TNFRSF10A: variants seen among roughly 807,000 people sequenced by gnomAD.
TNFRSF10A encodes the protein TNF receptor superfamily member 10a.
A neutral mutation model predicts 42.8 loss-of-function variants in TNFRSF10A; 44 were observed. The ratio of observed to expected loss-of-function variants is 1.03; its 90% confidence interval spans 0.81 to 1.32. The LOEUF is 1.32. Ranked by LOEUF, TNFRSF10A falls within the 40% of genes most tolerant of loss-of-function variation. TNFRSF10A has a pLI of 0.00. For synonymous variants in TNFRSF10A, 259 were observed against 234.2 expected, an observed-to-expected ratio of 1.11 and a Z score of -0.97; for missense variants, 680 against 602.0, an observed-to-expected ratio of 1.13 and a Z score of -1.36.
At chr8:23,196,335 A>C (rs1394883157) in intron 9 of TNFRSF10A, among the ~76,000 whole-genome samples, 1 of 151,896 alleles carries the variant, frequency 6.6e-6, no homozygotes, top group Non-Finnish European at 1.5e-5. Context: ...CTGGGACTAC[A>C]GGCGCCCGCC....
At chr8:23,199,482 C>A (rs1274344003) in intron 7 of TNFRSF10A, 34 bp from the exon 8 acceptor site, 1 of 1,598,398 alleles carries the variant, frequency 6.3e-7, no homozygotes, top group South Asian at 1.1e-5. Flanking sequence ...CAGAAGCCCA[C>A]ACCCAGGGCT....
chr8:23,202,830 G>A (rs1800953590), intron 2 of TNFRSF10A, 69 bp from the exon 3 acceptor site: 1 of 1,112,020 alleles, frequency 9.0e-7, no homozygotes, highest in Non-Finnish European at 1.4e-6. Context: ...GCGGTGGCTA[G>A]GAAACTCTTC....
chr8:23,212,325 T>G, intron 1 of TNFRSF10A, 113 bp from the exon 2 acceptor site: 1 of 865,910 alleles, frequency 1.2e-6, no homozygotes. Flanking sequence ...ACTTGCATCT[T>G]TCTCCCAGTT....
At chr8:23,209,567 T>C (rs1282807826) in intron 2 of TNFRSF10A, among the ~76,000 whole-genome samples, 1 of 152,230 alleles carries the variant, frequency 6.6e-6, no homozygotes, top group Non-Finnish European at 1.5e-5. Context: ...GACCTGGATG[T>C]AAGACAAGGA....
intron 1 of TNFRSF10A, chr8:23,224,403 G>C (rs992747419): frequency 2.4e-5 from 6 of 250,182 alleles, no homozygotes; most frequent in African/African-American, 1.4e-4. Context: ...CAGCTGGTGT[G>C]GCTGGGAGTT....
At chr8:23,218,092 T>C (rs1437958214) in intron 1 of TNFRSF10A, among the ~76,000 whole-genome samples, 1 of 151,960 alleles carries the variant, frequency 6.6e-6, no homozygotes, top group Non-Finnish European at 1.5e-5. Context: ...GAAGGTGAGG[T>C]CAGAGAAGTG....
intron 1 of TNFRSF10A, among the ~76,000 whole-genome samples, chr8:23,214,129 C>T (rs560599649): frequency 6.6e-6 from 1 of 152,182 alleles, no homozygotes; most frequent in Non-Finnish European, 1.5e-5. Flanking sequence ...CTACAGAGCT[C>T]AGCCTCCCAA....
chr8:23,214,114 G>T (rs1012829922), intron 1 of TNFRSF10A, among the ~76,000 whole-genome samples: 3 of 152,170 alleles, frequency 2.0e-5, no homozygotes, highest in Admixed American at 1.3e-4. Context: ...GATTATAGGC[G>T]TGAGCTACAG....
intron 3 of TNFRSF10A, 90 bp downstream of exon 3, chr8:23,202,558 G>A (rs976367460): frequency 5.1e-6 from 5 of 982,118 alleles, no homozygotes; most frequent in Non-Finnish European, 6.5e-6. Context: ...AAGTTGGGCT[G>A]GAACTTGGTT....
At chr8:23,200,445 G>C in intron 6 of TNFRSF10A, 60 bp downstream of exon 6, 1 of 1,583,372 alleles carries the variant, frequency 6.3e-7, no homozygotes, top group Non-Finnish European at 8.7e-7. Flanking sequence ...TTCTGTCTGT[G>C]GGAACAGAAG....
intron 1 of TNFRSF10A, among the ~76,000 whole-genome samples, chr8:23,222,303 CT>C (rs1156377070): frequency 2.0e-5 from 3 of 152,180 alleles, no homozygotes. Context: ...TTCTAAAGGG[CT>C]GCCCGATACT....
At chr8:23,224,000 C>T (rs536950211) in intron 1 of TNFRSF10A, among the ~76,000 whole-genome samples, 3 of 152,120 alleles carry the variant, frequency 2.0e-5, no homozygotes, top group Non-Finnish European at 2.9e-5. Context: ...TTTTTCCTGC[C>T]GGGCTGCGTG....
At chr8:23,220,948 C>T (rs1434454589) in intron 1 of TNFRSF10A, among the ~76,000 whole-genome samples, 1 of 152,218 alleles carries the variant, frequency 6.6e-6, no homozygotes, top group African/African-American at 2.4e-5. Flanking sequence ...ACCAGAAGGA[C>T]AACTGGAAGG....
rs777387434 is a variant in TNFRSF10A at position 23,224,786 on chromosome 8, G to T, written c.276C>A (p.Phe92Leu). The change falls in exon 1 of 10, where the codon TTC (phenylalanine) becomes TTA (leucine). Residue 92 changes from phenylalanine to leucine, a missense_variant. Coordinates refer to ENST00000221132, the MANE Select transcript of TNFRSF10A (RefSeq NM_003844.4). ...GCAGGACCCCGACGACGACAAACTT[G>T]AAGGTCTTGTGGACCCGGAGCCGAG... Reference protein sequence around the residue: ...ASPRLRVHKTFKFVVVGVLLQ... With the variant: ...ASPRLRVHKTLKFVVVGVLLQ... The T allele has an allele frequency of 1.3e-6, 2 of 1,569,920 alleles. No individual in the cohort carries two copies. Among genetic ancestry groups the T allele is most frequent in the Non-Finnish European group, 1.7e-6 (2 of 1,157,666 alleles).
intron 9 of TNFRSF10A, among the ~76,000 whole-genome samples, chr8:23,194,298 T>C (rs1158630253): frequency 1.3e-5 from 2 of 152,096 alleles, no homozygotes; most frequent in Admixed American, 1.3e-4. Flanking sequence ...TACTCATAAA[T>C]AAAGTAAATA....
intron 8 of TNFRSF10A, 43 bp downstream of exon 8, chr8:23,199,223 C>T (rs199858506): frequency 6.3e-7 from 1 of 1,586,238 alleles, no homozygotes; most frequent in Non-Finnish European, 8.6e-7. Flanking sequence ...ATGGCCTTCA[C>T]CCCCTGCCTA....
At position 23,191,011 on chromosome 8, in the gene TNFRSF10A, T is replaced by G. The variant is rs1331371495; in HGVS notation, c.*683A>C. On this transcript the variant is annotated 3_prime_UTR_variant, in exon 10 of 10. Transcript: ENST00000221132. ...GGATTTGCTTTTCCTTTTTTTTTTG[T>G]TTTCTTCTATCTTGCTCCCCAGTCT... is the stretch of plus-strand genomic sequence containing the variant. 6.6e-6 allele frequency: 1 copy of G among 151,962 alleles called. No homozygotes were observed. Among genetic ancestry groups the G allele is most frequent in the Non-Finnish European group, 1.5e-5 (1 of 68,022 alleles). 9.4% of individuals were successfully genotyped at this position (151,962 alleles called of 1,614,324 possible).
chr8:23,206,122 C>A (rs1013622370), intron 2 of TNFRSF10A, among the ~76,000 whole-genome samples: 1 of 151,952 alleles, frequency 6.6e-6, no homozygotes, highest in African/African-American at 2.4e-5. Context: ...AAAGAAAGAA[C>A]ATTTTTTGTA....
At chr8:23,224,108 G>C (rs1027308449) in intron 1 of TNFRSF10A, among the ~76,000 whole-genome samples, 3 of 151,768 alleles carry the variant, frequency 2.0e-5, no homozygotes, top group Non-Finnish European at 2.9e-5. Context: ...GGGCGGATTT[G>C]GCTAACACAG....
Sources: gnomAD v4.1 joint callset for allele counts (sites outside exome capture counted in the v4.1 genomes callset) on GRCh38, gnomAD v4.1.1 for gene constraint, MANE v1.5 for transcripts, NCBI Gene and HGNC (gene_info 2026-07-23, HGNC 2026-07-21) for gene names.